METTL4: variants seen among roughly 807,000 people sequenced by gnomAD.
The protein encoded by METTL4 is methyltransferase 4, N6-adenosine.
METTL4 carries 40 observed loss-of-function variants against 54.0 expected under a neutral mutation model. The observed-to-expected ratio is 0.74, with a 90% confidence interval of 0.58 to 0.96. The LOEUF (loss-of-function observed/expected upper bound fraction) is 0.96, where lower values mean the gene tolerates loss of function less well. METTL4 is among the 50% of genes least tolerant of loss of function. The pLI, the probability that METTL4 is intolerant of heterozygous loss-of-function variation, is 0.00. For missense variants in METTL4, 525 were observed against 549.0 expected, an observed-to-expected ratio of 0.96 and a Z score of 0.44; for synonymous variants, 169 against 183.8, an observed-to-expected ratio of 0.92 and a Z score of 0.65.
chr18:2,547,805 TA>T (rs2072094416), intron 5 of METTL4, among the ~76,000 whole-genome samples: 2 of 152,234 alleles, frequency 1.3e-5, no homozygotes, highest in South Asian at 2.1e-4. Context: ...CTATTAACAA[TA>T]TTTTTTTCTC....
chr18:2,538,704 T>C lies in METTL4; in HGVS notation c.*296A>G, dbSNP rs1409768140. 1.3e-5 allele frequency: 4 copies of C among 305,502 alleles called. No individual in the cohort carries two copies. Among genetic ancestry groups the C allele is most frequent in the African/African-American group, 4.2e-5 (2 of 47,432 alleles). The allele number at this position is 305,502 out of a possible 1,614,324, so 18.9% of individuals were successfully genotyped here. A position where few individuals can be genotyped will look rare whatever the true frequency, so the allele number is the denominator to read the frequency against. On this transcript the variant is annotated 3_prime_UTR_variant, in exon 9 of 9. Coordinates refer to ENST00000574538, the MANE Select transcript of METTL4 (RefSeq NM_022840.5). Reference sequence around the variant, plus strand: ...CACATCCATAGATAGGATTAAGACCTCTGGTCCACGGTGTATGTTTTCTGA... The same window carrying C: ...CACATCCATAGATAGGATTAAGACCCCTGGTCCACGGTGTATGTTTTCTGA...
chr18:2,569,772 T>G (rs142749757), intron 1 of METTL4, among the ~76,000 whole-genome samples: 10 of 152,182 alleles, frequency 6.6e-5, no homozygotes, highest in Non-Finnish European at 1.3e-4. Context: ...TATCAAGAGA[T>G]GCTGCTCCCT....
At chr18:2,562,771 G>A (rs955466755) in intron 3 of METTL4, among the ~76,000 whole-genome samples, 13 of 151,912 alleles carry the variant, frequency 8.6e-5, no homozygotes, top group African/African-American at 2.9e-4. Flanking sequence ...GCTGGGGGAC[G>A]GGGGGATGGG....
rs2071943985 is a variant in METTL4 at position 2,538,577 on chromosome 18, G to GT, written c.*422dup. On this transcript the variant is annotated 3_prime_UTR_variant, in exon 9 of 9. Transcript: ENST00000574538. ...CCTCTGTGTAGCCAGAGCCTCTGAT[G>GT]TTTAAAAAGAAGCAGAAATCTGGAC... 1 of 157,046 alleles carries GT rather than the reference G, an allele frequency of 6.4e-6. No homozygotes were observed. Among genetic ancestry groups the GT allele is most frequent in the Admixed American group, 6.3e-5 (1 of 15,898 alleles). The allele number at this position is 157,046 out of a possible 1,614,324, so 9.7% of individuals were successfully genotyped here. A position where few individuals can be genotyped will look rare whatever the true frequency, so the allele number is the denominator to read the frequency against.
Position 2,544,621 on chromosome 18 carries a change from T to C in METTL4, c.1181+32A>G, listed in dbSNP as rs776678283. The C allele has an allele frequency of 1.3e-5, 16 of 1,275,540 alleles. No homozygotes were observed. In the African/African-American group the frequency reaches 1.7e-4, roughly 13 times the overall value. The allele number at this position is 1,275,540 out of a possible 1,614,324, so 79.0% of individuals were successfully genotyped here. On this transcript the variant is annotated intron_variant, in intron 7 of 8. Transcript: ENST00000574538. ...TTTTAAAAGCGTAAAAATTAATACA[T>C]GTATACAATTTTGAAAAATCACCTT...
At chr18:2,558,792 A>G (rs2072274747) in intron 3 of METTL4, among the ~76,000 whole-genome samples, 1 of 152,134 alleles carries the variant, frequency 6.6e-6, no homozygotes, top group Admixed American at 6.5e-5. Flanking sequence ...AAAAAAACAA[A>G]CAGCCCAGAA....
chr18:2,540,576 G>C (rs919609818), intron 8 of METTL4: 1 of 985,286 alleles, frequency 1.0e-6, no homozygotes. Flanking sequence ...TAATTCAAGT[G>C]AACTCAAATT....
intron 3 of METTL4, among the ~76,000 whole-genome samples, chr18:2,557,344 T>C (rs181561650): frequency 6.6e-4 from 101 of 152,180 alleles, no homozygotes; most frequent in Non-Finnish European, 1.3e-3. Context: ...TATCTGATGC[T>C]CCCTAGGGCC....
At chr18:2,552,352 A>G (rs533300776) in intron 5 of METTL4, among the ~76,000 whole-genome samples, 3 of 152,358 alleles carry the variant, frequency 2.0e-5, no homozygotes, top group African/African-American at 7.2e-5. Flanking sequence ...AAATTCATTC[A>G]TAACACTTTA....
At chr18:2,554,190 C>T (rs2072202200) in intron 4 of METTL4, 1 of 152,872 alleles carries the variant, frequency 6.5e-6, no homozygotes, top group African/African-American at 2.4e-5. Context: ...AAGTCAAATA[C>T]AGGTCTGTGT....
chr18:2,544,880 C>T (rs538641330), intron 6 of METTL4, 121 bp from the exon 7 acceptor site: 6 of 524,496 alleles, frequency 1.1e-5, no homozygotes, highest in Non-Finnish European at 2.0e-5. Context: ...CTATGTGAGC[C>T]ACATTTATCA....
At chr18:2,547,297 T>C in intron 6 of METTL4, 58 bp downstream of exon 6, 1 of 1,390,048 alleles carries the variant, frequency 7.2e-7, no homozygotes, top group Non-Finnish European at 9.6e-7. Flanking sequence ...AAGTAGATGC[T>C]ACCTTTATGT....
At chr18:2,558,346 A>G (rs1329281729) in intron 3 of METTL4, among the ~76,000 whole-genome samples, 1 of 152,244 alleles carries the variant, frequency 6.6e-6, no homozygotes, top group Non-Finnish European at 1.5e-5. Flanking sequence ...GAAATGAAAT[A>G]GAACACTTCT....
At chr18:2,564,060 T>A (rs1156399906) in intron 2 of METTL4, among the ~76,000 whole-genome samples, 1 of 152,080 alleles carries the variant, frequency 6.6e-6, no homozygotes, top group Non-Finnish European at 1.5e-5. Context: ...AACAACAACA[T>A]AAACAAAATG....
intron 3 of METTL4, chr18:2,561,148 C>A (rs2072311162): frequency 6.6e-6 from 1 of 152,076 alleles, no homozygotes. Context: ...TTGTCAAGCA[C>A]AAGACAAAGT....
Position 2,554,900 on chromosome 18 carries a change from C to T in METTL4, c.598G>A (p.Glu200Lys). 3.1e-6 allele frequency: 5 copies of T among 1,614,058 alleles called. No homozygotes were observed. The highest frequency in any genetic ancestry group is 4.2e-6 in the Non-Finnish European group (5 of 1,179,952). ...TLPLDACSLS[E>K]LCEMAKHLPS... ...AAATGCTTTGCCATTTCACATAATT[C>T]TGACAAACTGCAGGCGTCAAGTGGT... The change falls in exon 4 of 9, where the codon GAA (glutamate) becomes AAA (lysine). Residue 200 changes from glutamate (E) to lysine (K), a missense_variant. Physicochemically the swap from Glu to Lys is moderately conservative, Grantham distance 56. Coordinates refer to ENST00000574538, the MANE Select transcript of METTL4 (RefSeq NM_022840.5).
chr18:2,544,704 T>C lies in METTL4; in HGVS notation c.1130A>G (p.Tyr377Cys). 1.9e-6 allele frequency: 3 copies of C among 1,613,270 alleles called. No homozygotes were observed. Among genetic ancestry groups the C allele is most frequent in the Non-Finnish European group, 1.7e-6 (2 of 1,179,538 alleles). The part of the protein sequence containing the change: ...FPLDSPHKKP[Y>C]EGLILGRVQE... The stretch of plus-strand genomic sequence containing the variant: ...AACCCTCCCCAGTATAAGACCTTCG[T>C]AGGGCTTTTTGTGTGGAGAATCTAA... Residue 377 changes from tyrosine (Y) to cysteine (C), a missense_variant, in exon 7 of 9, where the codon TAC (tyrosine) becomes TGC (cysteine). Transcript: ENST00000574538.
At chr18:2,561,966 G>T (rs2072326813) in intron 3 of METTL4, 1 of 152,130 alleles carries the variant, frequency 6.6e-6, no homozygotes, top group East Asian at 1.9e-4. Flanking sequence ...CACATTGAGG[G>T]ATTTAACATT....
At chr18:2,551,375 C>T (rs534054685) in intron 5 of METTL4, among the ~76,000 whole-genome samples, 30 of 152,074 alleles carry the variant, frequency 2.0e-4, no homozygotes, top group South Asian at 4.2e-4. Context: ...AAAACAGATA[C>T]ATGAATTCTT....
Sources: allele counts gnomAD v4.1 joint callset (sites outside exome capture counted in the v4.1 genomes callset), GRCh38; gene constraint gnomAD v4.1.1; transcripts MANE v1.5; gene names NCBI Gene and HGNC (gene_info 2026-07-23, HGNC 2026-07-21).